ST6GALNAC3: variants seen among roughly 807,000 people sequenced by gnomAD.
The protein encoded by ST6GALNAC3 is ST6 N-acetylgalactosaminide alpha-2,6-sialyltransferase 3.
Under a neutral mutation model 32.7 loss-of-function variants are expected in ST6GALNAC3, and 25 were observed. The observed-to-expected ratio is 0.76, with a 90% CI of 0.56 to 1.07. The LOEUF (loss-of-function observed/expected upper bound fraction) is 1.07. Among genes scored for constraint, ST6GALNAC3 ranks in the 50% least tolerant of loss-of-function variants. ST6GALNAC3 has a pLI of 0.00. For missense variants in ST6GALNAC3, 355 were observed against 382.4 expected (o/e 0.93, Z 0.60); for synonymous variants, 129 against 133.1 (o/e 0.97, Z 0.21).
chr1:76,389,012 C>CTTTTTTTTTT (rs371619828), intron 2 of ST6GALNAC3, among the ~76,000 whole-genome samples: 8 of 127,332 alleles, frequency 6.3e-5, no homozygotes, highest in Admixed American at 1.7e-4. Flanking sequence ...GGTATATTTC[C>CTTTTTTTTTT]TTTTTTTTTT....
chr1:76,362,238 A>G (rs937644200), intron 2 of ST6GALNAC3, among the ~76,000 whole-genome samples: 1 of 152,044 alleles, frequency 6.6e-6, no homozygotes, highest in Admixed American at 6.6e-5. Context: ...TTGACAACTC[A>G]CTCATTATCA....
chr1:76,289,325 T>C (rs181417793), intron 1 of ST6GALNAC3, among the ~76,000 whole-genome samples: 269 of 152,344 alleles, frequency 1.8e-3, no homozygotes, highest in Middle Eastern at 0.014. Flanking sequence ...TCAGACTGTC[T>C]GGGTTCTGAT....
chr1:76,137,094 C>T (rs774752821), intron 1 of ST6GALNAC3, among the ~76,000 whole-genome samples: 21 of 152,180 alleles, frequency 1.4e-4, no homozygotes, highest in African/African-American at 3.9e-4. Flanking sequence ...AAGGTCTGCC[C>T]GCCTGGGAGT....
intron 3 of ST6GALNAC3, among the ~76,000 whole-genome samples, chr1:76,478,757 A>ATTTTTT (rs1249648409): frequency 4.2e-5 from 5 of 119,550 alleles, no homozygotes; most frequent in East Asian, 2.5e-4. Context: ...TAGTTTATTA[A>ATTTTTT]TTCTTTTTTT....
At chr1:76,139,912 T>A (rs1650209905) in intron 1 of ST6GALNAC3, among the ~76,000 whole-genome samples, 1 of 152,342 alleles carries the variant, frequency 6.6e-6, no homozygotes, top group African/African-American at 2.4e-5. Context: ...GGATGACACA[T>A]GAATAAGCTC....
intron 1 of ST6GALNAC3, among the ~76,000 whole-genome samples, chr1:76,192,464 C>G (rs990316988): frequency 2.6e-5 from 4 of 152,070 alleles, no homozygotes; most frequent in African/African-American, 7.2e-5. Context: ...TGTGAGAATG[C>G]CGAAGGAGAA....
intron 3 of ST6GALNAC3, among the ~76,000 whole-genome samples, chr1:76,556,620 G>A (rs1420469443): frequency 6.6e-6 from 1 of 151,930 alleles, no homozygotes; most frequent in Non-Finnish European, 1.5e-5. Flanking sequence ...TTTCCTAGTT[G>A]GCTAATAATG....
At chr1:76,510,029 C>T (rs933203355) in intron 3 of ST6GALNAC3, among the ~76,000 whole-genome samples, 3 of 152,146 alleles carry the variant, frequency 2.0e-5, no homozygotes, top group African/African-American at 4.8e-5. Context: ...AAGTATCAGC[C>T]TGACGGTGAC....
intron 1 of ST6GALNAC3, among the ~76,000 whole-genome samples, chr1:76,205,504 G>A (rs1654770814): frequency 6.6e-6 from 1 of 152,110 alleles, no homozygotes; most frequent in African/African-American, 2.4e-5. Flanking sequence ...GATGAGGAGA[G>A]GAAATGGATC....
intron 3 of ST6GALNAC3, among the ~76,000 whole-genome samples, chr1:76,527,705 T>C (rs1050652948): frequency 1.3e-5 from 2 of 152,076 alleles, no homozygotes. Flanking sequence ...AGGTTAATAA[T>C]GTGGTTCTAG....
At chr1:76,462,839 G>A (rs1658373623) in intron 3 of ST6GALNAC3, among the ~76,000 whole-genome samples, 1 of 152,150 alleles carries the variant, frequency 6.6e-6, no homozygotes, top group South Asian at 2.1e-4. Context: ...TTAGGGGAGT[G>A]TATTGCAACA....
intron 1 of ST6GALNAC3, among the ~76,000 whole-genome samples, chr1:76,299,811 A>G (rs1660623332): frequency 1.4e-5 from 2 of 144,286 alleles, no homozygotes; most frequent in African/African-American, 4.9e-5. Context: ...CTCCAGAGAA[A>G]GTTTCATTAT....
intron 3 of ST6GALNAC3, among the ~76,000 whole-genome samples, chr1:76,476,698 C>T (rs571430038): frequency 2.6e-5 from 4 of 152,136 alleles, no homozygotes; most frequent in African/African-American, 9.7e-5. Context: ...CTCAGAGGAG[C>T]AGTTTGAATA....
chr1:76,107,485 C>A (rs996348628), intron 1 of ST6GALNAC3, among the ~76,000 whole-genome samples: 1 of 152,106 alleles, frequency 6.6e-6, no homozygotes, highest in Admixed American at 6.5e-5. Context: ...CTATTCTTAA[C>A]CAATTTTCTA....
intron 3 of ST6GALNAC3, among the ~76,000 whole-genome samples, chr1:76,518,422 T>C (rs1416406641): frequency 2.0e-5 from 3 of 152,122 alleles, no homozygotes; most frequent in Non-Finnish European, 4.4e-5. Flanking sequence ...ATGATCGAAA[T>C]ATTTAATCAT....
chr1:76,575,102 G>T (rs1282638383), intron 3 of ST6GALNAC3, among the ~76,000 whole-genome samples: 4 of 152,242 alleles, frequency 2.6e-5, no homozygotes, highest in South Asian at 2.1e-4. Context: ...TGTTGTCTTG[G>T]AGAAGCCAGT....
At chr1:76,393,079 C>T (rs988636909) in intron 2 of ST6GALNAC3, among the ~76,000 whole-genome samples, 8 of 152,150 alleles carry the variant, frequency 5.3e-5, no homozygotes, top group African/African-American at 1.4e-4. Flanking sequence ...CTACAAATAA[C>T]GCTTTGTATT....
chr1:76,461,014 T>C (rs1460378501), intron 3 of ST6GALNAC3, among the ~76,000 whole-genome samples: 1 of 152,246 alleles, frequency 6.6e-6, no homozygotes, highest in Non-Finnish European at 1.5e-5. Context: ...GAGTAATGCC[T>C]GTGGTCATTT....
chr1:76,582,673 A>G (rs1467651906), intron 3 of ST6GALNAC3, among the ~76,000 whole-genome samples: 2 of 152,182 alleles, frequency 1.3e-5, no homozygotes, highest in Non-Finnish European at 2.9e-5. Context: ...GGACAGTATT[A>G]AGTATTAAAA....
Sources: allele counts gnomAD v4.1 joint callset (sites outside exome capture counted in the v4.1 genomes callset), GRCh38; gene constraint gnomAD v4.1.1; transcripts MANE v1.5; gene names NCBI Gene and HGNC (gene_info 2026-07-23, HGNC 2026-07-21).